Variants in CCDC187 observed in about 807,000 individuals in gnomAD.
CCDC187 encodes the protein coiled-coil domain-containing protein 187.
Under a neutral mutation model 38.0 loss-of-function variants are expected in CCDC187, and 32 were observed. The observed-to-expected ratio is 0.84, with a 90% CI of 0.64 to 1.13. The LOEUF is 1.13. CCDC187 is among the 50% of genes most tolerant of loss of function. The pLI, the probability that CCDC187 is intolerant of heterozygous loss-of-function variation, is 0.00. For missense variants in CCDC187, 707 were observed against 786.8 expected (o/e 0.90, Z 1.21); for synonymous variants, 333 against 347.9 (o/e 0.96, Z 0.48).
At chr9:136,286,742 C>T in intron 7 of CCDC187, 47 bp from the exon 8 acceptor site, 2 of 398,590 alleles carry the variant, frequency 5.0e-6, no homozygotes, top group South Asian at 1.3e-4. Flanking sequence ...TCGGTCGCCC[C>T]AGCAGGGCAC....
At chr9:136,284,829 A>G (rs931308051) in intron 9 of CCDC187, among the ~76,000 whole-genome samples, 4 of 152,062 alleles carry the variant, frequency 2.6e-5, no homozygotes, top group Admixed American at 2.0e-4. Flanking sequence ...CTCGGGAGGG[A>G]GCGGCCGCCT....
chr9:136,264,615 A>G lies in CCDC187; in HGVS notation c.3736-817T>C, dbSNP rs1168404597. Among the ~76,000 whole-genome samples the G allele has an allele frequency of 6.6e-6, 1 of 151,942 alleles. No homozygotes were observed. The highest frequency in any genetic ancestry group is 1.5e-5 in the Non-Finnish European group (1 of 67,984). ...CCAGCTCCCTTGCCTGTAATGCCCC[A>G]TGCCTGACACCCCAGGTCGTAGTAT... On this transcript the variant is annotated intron_variant, in intron 17 of 25. Transcript: ENST00000638797. This position sits in a 1 kb window ranked among gnomAD's most constrained non-coding sequence, Gnocchi z 4.3.
intron 17 of CCDC187, 54 bp downstream of exon 17, chr9:136,265,902 C>G (rs115032301): frequency 4.6e-6 from 4 of 866,690 alleles, no homozygotes; most frequent in Non-Finnish European, 5.5e-6. Context: ...GAAGATGACA[C>G]GACTGCCTCT....
In CCDC187 at chr9:136,252,210, T is replaced by C. The variant is rs868992402; in HGVS notation, c.*1384A>G. The C allele has an allele frequency of 0.019, 528 of 28,154 alleles. 20 individuals are homozygous for C. The highest frequency in any genetic ancestry group is 0.042 in the African/African-American group (399 of 9,404). 1.7% of individuals were successfully genotyped at this position (28,154 alleles called of 1,614,324 possible). Reference sequence around the variant, plus strand: ...AGCCGGCCGCCCACCCGGCCCACCCTGGGAAGAGCCGGCCGCCCACCCAGT... The same window carrying C: ...AGCCGGCCGCCCACCCGGCCCACCCCGGGAAGAGCCGGCCGCCCACCCAGT... On this transcript the variant is annotated 3_prime_UTR_variant, in exon 26 of 26. Coordinates refer to ENST00000638797, the MANE Select transcript of CCDC187 (RefSeq NM_001378188.1).
In CCDC187 at chr9:136,251,234, T is replaced by C. The variant is rs116583388; in HGVS notation, c.*2360A>G. On this transcript the variant is annotated 3_prime_UTR_variant, in exon 26 of 26. Coordinates refer to ENST00000638797, the MANE Select transcript of CCDC187 (RefSeq NM_001378188.1). ...CCCAGAGAAATTACAGGGGTCCCAG[T>C]GAATCCTCTGGAAGCAAAGAAAAGT... 3,714 of 338,256 alleles carry C rather than the reference T, an allele frequency of 0.011. 132 individuals are homozygous for C. The highest frequency in any genetic ancestry group is 0.073 in the African/African-American group (3,425 of 46,602). 21.0% of individuals were successfully genotyped at this position (338,256 alleles called of 1,614,324 possible).
intron 4 of CCDC187, among the ~76,000 whole-genome samples, chr9:136,293,506 CAA>C (rs1831431862): frequency 1.7e-5 from 2 of 115,594 alleles, no homozygotes; most frequent in East Asian, 2.8e-4. Flanking sequence ...CACACACTCA[CAA>C]ACACACATGC....
intron 4 of CCDC187, among the ~76,000 whole-genome samples, chr9:136,294,013 C>G (rs1831463939): frequency 6.6e-6 from 1 of 151,356 alleles, no homozygotes. Flanking sequence ...TACACACGCC[C>G]TCACATGCTC....
chr9:136,255,902 G>A (rs942043275), intron 24 of CCDC187, among the ~76,000 whole-genome samples, 169 bp from the exon 25 acceptor site: 5 of 152,148 alleles, frequency 3.3e-5, no homozygotes, highest in African/African-American at 7.2e-5. Context: ...AGGGCTCCCC[G>A]AGGGCTTGTC....
Position 136,302,826 on chromosome 9 carries a change from G to A in CCDC187, c.611C>T (p.Ala204Val). The A allele has an allele frequency of 2.5e-6, 1 of 398,814 alleles. No individual in the cohort carries two copies. The highest frequency in any genetic ancestry group is 3.6e-5 in the East Asian group (1 of 28,088). 24.7% of individuals were successfully genotyped at this position (398,814 alleles called of 1,614,324 possible). ...KGQEAKNPPP[A>V]PECSGFSILS... The stretch of plus-strand genomic sequence containing the variant: ...TGGCCACTGACCTGAGCATTCAGGG[G>A]CTGGAGGGGGATTTTTTGCCTCTTG... Residue 204 changes from alanine to valine, a missense_variant, in exon 2 of 26, where the codon GCC becomes GTC. Coordinates refer to ENST00000638797, the MANE Select transcript of CCDC187 (RefSeq NM_001378188.1).
rs1477098361 is a variant in CCDC187 at position 136,254,708 on chromosome 9, G to A, written c.5120C>T (p.Pro1707Leu). The A allele has an allele frequency of 6.1e-6, 6 of 985,420 alleles. No individual in the cohort carries two copies. The African/African-American group carries it at 8.7e-5, about 14-fold the overall frequency. The allele number at this position is 985,420 out of a possible 1,614,324, so 61.0% of individuals were successfully genotyped here. A position where few individuals can be genotyped will look rare whatever the true frequency, so the allele number is the denominator to read the frequency against. Residue 1707 changes from proline to leucine, a missense_variant, in exon 26 of 26, where the codon CCC (proline) becomes CTC (leucine). Pro to Leu is a moderately conservative substitution (Grantham distance 98, BLOSUM62 -3). Transcript: ENST00000638797. ...CAGGGGGCCGGCCCTGCGGCCCTGG[G>A]GCCTCTGCCAGGTCACCCATCCTCC... ...GGGGWVTWQRPQGRRAGPLRG... is the reference protein window; with the variant it reads ...GGGGWVTWQRLQGRRAGPLRG...
At chr9:136,294,089 C>T (rs1490320397) in intron 4 of CCDC187, among the ~76,000 whole-genome samples, 1 of 150,270 alleles carries the variant, frequency 6.7e-6, no homozygotes, top group Non-Finnish European at 1.5e-5. Context: ...CTCATATACA[C>T]ACGCCCTCAA....
chr9:136,251,584 C>T lies in CCDC187; in HGVS notation c.*2010G>A, dbSNP rs1017078789. 6.3e-6 allele frequency: 1 copy of T among 158,270 alleles called. No individual in the cohort carries two copies. The highest frequency in any genetic ancestry group is 1.9e-4 in the South Asian group (1 of 5,314). 9.8% of individuals were successfully genotyped at this position (158,270 alleles called of 1,614,324 possible). A position where few individuals can be genotyped will look rare whatever the true frequency, so the allele number is the denominator to read the frequency against. On this transcript the variant is annotated 3_prime_UTR_variant, in exon 26 of 26. Transcript: ENST00000638797. Reference sequence around the variant, plus strand: ...TGAGTCAGCACCAGTCAGGCCCACCCCAGCTCTTCTTTTCCCCAGATGTTC... The same window carrying T: ...TGAGTCAGCACCAGTCAGGCCCACCTCAGCTCTTCTTTTCCCCAGATGTTC...
chr9:136,285,281 G>C (rs966016292), intron 9 of CCDC187, among the ~76,000 whole-genome samples: 3,743 of 152,226 alleles, frequency 0.025, 63 homozygotes, highest in Non-Finnish European at 0.039. Context: ...GGGCATTCGT[G>C]GGGGGAGTGT....
At chr9:136,295,351 T>TGGGCAC (rs1831509961) in intron 4 of CCDC187, among the ~76,000 whole-genome samples, 1 of 152,222 alleles carries the variant, frequency 6.6e-6, no homozygotes, top group African/African-American at 2.4e-5. Context: ...TCCCGCTCGA[T>TGGGCAC]AAATGGGTCC....
At position 136,253,848 on chromosome 9, in the gene CCDC187, A is replaced by G. The variant is rs1234315786; in HGVS notation, c.5980T>C (p.Leu1994=). The change falls in exon 26 of 26, where the codon TTG becomes CTG. Residue 1994 remains leucine (L), a synonymous_variant. Transcript: ENST00000638797. ...AGGTCGGCACTGCCGTAGGACAGCA[A>G]CTCGTCCACGGGAGACAGGATCTCA... ...LTEILSPVDE[L]LSYGSADLPS... The G allele has an allele frequency of 8.1e-6, 8 of 985,028 alleles. No homozygotes were observed. Among genetic ancestry groups the G allele is most frequent in the Non-Finnish European group, 9.6e-6 (8 of 829,830 alleles). The allele number at this position is 985,028 out of a possible 1,614,324, so 61.0% of individuals were successfully genotyped here. A position where few individuals can be genotyped will look rare whatever the true frequency, so the allele number is the denominator to read the frequency against.
At position 136,302,933 on chromosome 9, in the gene CCDC187, G is replaced by T; in HGVS notation, c.504C>A (p.Ser168Arg). ...GGGCTGAGGTGCCCAGGGACGCACA[G>T]CTCCCCTGCTGCCACGCCTGGGCCC... The part of the protein sequence containing the change: ...KIRAQAWQQG[S>R]CASLGTSAPS... Residue 168 changes from serine to arginine, a missense_variant, in exon 2 of 26, where the codon AGC becomes AGA. Coordinates refer to ENST00000638797, the MANE Select transcript of CCDC187 (RefSeq NM_001378188.1). 2.5e-6 allele frequency: 1 copy of T among 398,712 alleles called. No individual in the cohort carries two copies. The highest frequency in any genetic ancestry group is 4.4e-6 in the Non-Finnish European group (1 of 226,134). 24.7% of individuals were successfully genotyped at this position (398,712 alleles called of 1,614,324 possible).
rs1830579202 is a variant in CCDC187, at chr9:136,253,832, C to G, written c.5996G>C (p.Ser1999Thr). 41 of 985,244 alleles carry G rather than the reference C, an allele frequency of 4.2e-5. No individual in the cohort carries two copies. The highest frequency in any genetic ancestry group is 7.0e-5 in the African/African-American group (4 of 57,320). The allele number at this position is 985,244 out of a possible 1,614,324, so 61.0% of individuals were successfully genotyped here. Reference protein sequence around the residue: ...SPVDELLSYGSADLPSSIHRE... With the variant: ...SPVDELLSYGTADLPSSIHRE... ...GTGGATGGAGGACGGGAGGTCGGCA[C>G]TGCCGTAGGACAGCAACTCGTCCAC... is the stretch of plus-strand genomic sequence containing the variant. The change falls in exon 26 of 26, where the codon AGT becomes ACT. Residue 1999 changes from serine (S) to threonine (T), a missense_variant. Transcript: ENST00000638797.
At chr9:136,302,632 C>T (rs1042592184) in intron 2 of CCDC187, among the ~76,000 whole-genome samples, 180 bp downstream of exon 2, 1 of 152,202 alleles carries the variant, frequency 6.6e-6, no homozygotes, top group Non-Finnish European at 1.5e-5. Flanking sequence ...GGGAGGGATC[C>T]TCATCATGGA....
chr9:136,261,746 C>T (rs72775719), intron 19 of CCDC187, among the ~76,000 whole-genome samples: 43,439 of 152,198 alleles, frequency 0.29, 7,089 homozygotes, highest in East Asian at 0.37. Context: ...CAGGGGCCTC[C>T]AAAGGCTGCT....
Sources: allele counts gnomAD v4.1 joint callset (sites outside exome capture counted in the v4.1 genomes callset), GRCh38; gene constraint gnomAD v4.1.1; non-coding constraint Gnocchi (gnomAD v3.1); transcripts MANE v1.5; gene names NCBI Gene and HGNC (gene_info 2026-07-23, HGNC 2026-07-21).